The following MRTFB variants were observed in gnomAD, a reference collection of about 807,000 sequenced individuals.
The protein encoded by MRTFB is myocardin-related transcription factor B.
A neutral mutation model predicts 104.2 loss-of-function variants in MRTFB; 29 were observed. The observed-to-expected ratio is 0.28, with a 90% CI of 0.21 to 0.38. The LOEUF (loss-of-function observed/expected upper bound fraction) is 0.38, where lower values mean the gene tolerates loss of function less well. MRTFB is among the 10% of genes least tolerant of loss of function. MRTFB has a pLI of 1.00. For missense variants in MRTFB, 1,270 were observed against 1,341.6 expected, an observed-to-expected ratio of 0.95 and a Z score of 0.83; for synonymous variants, 535 against 519.5, an observed-to-expected ratio of 1.03 and a Z score of -0.41.
At chr16:14,097,744 C>T (rs140883003) in intron 2 of MRTFB, among the ~76,000 whole-genome samples, 1 of 152,316 alleles carries the variant, frequency 6.6e-6, no homozygotes, top group Non-Finnish European at 1.5e-5. Context: ...TGCTCCTTTG[C>T]CCCTGTTTCC....
At chr16:14,109,314 G>A (rs762438235) in intron 2 of MRTFB, among the ~76,000 whole-genome samples, 2 of 152,106 alleles carry the variant, frequency 1.3e-5, no homozygotes, top group Non-Finnish European at 2.9e-5. Context: ...AGTCACAAAA[G>A]AGAATGTCTC....
chr16:14,111,776 T>C (rs544303974), intron 2 of MRTFB, among the ~76,000 whole-genome samples: 3 of 152,142 alleles, frequency 2.0e-5, no homozygotes, highest in African/African-American at 7.2e-5. Context: ...TCCCCCTTTT[T>C]CTCGGTCCTC....
chr16:14,220,575 G>C (rs2041648179), intron 8 of MRTFB, among the ~76,000 whole-genome samples: 1 of 152,220 alleles, frequency 6.6e-6, no homozygotes, highest in African/African-American at 2.4e-5. Context: ...CCCACACAGT[G>C]AGCTGACATT....
the MRTFB span, among the ~76,000 whole-genome samples, chr16:14,023,859 T>C: frequency 5.3e-4 from 81 of 152,254 alleles, no homozygotes; most frequent in Admixed American, 9.2e-4. Context: ...AAGACCAGCC[T>C]GGCCAACAGG....
In MRTFB at chr16:14,261,336, T is replaced by G. The variant is rs779408578; in HGVS notation, c.3192T>G (p.Ile1064Met). 67 of 1,614,096 alleles carry G rather than the reference T, an allele frequency of 4.2e-5. 4 individuals carry two copies. The South Asian group carries it at 7.0e-4, about 17-fold the overall frequency. Residue 1064 changes from isoleucine (I) to methionine (M), a missense_variant, in exon 17 of 17, where the codon ATT (isoleucine) becomes ATG (methionine). Coordinates refer to ENST00000571589, the MANE Select transcript of MRTFB (RefSeq NM_001308142.2). ...SNLDNMEWLD[I>M]TMPNSSSGLT... ...TGGACAACATGGAGTGGTTGGACATTACCATGCCCAACTCCTCTTCAGGAC... is the reference window on the plus strand; with the variant it reads ...TGGACAACATGGAGTGGTTGGACATGACCATGCCCAACTCCTCTTCAGGAC...
At chr16:14,149,568 A>T (rs978639862) in intron 3 of MRTFB, 7 of 152,224 alleles carry the variant, frequency 4.6e-5, no homozygotes, top group African/African-American at 1.7e-4. Context: ...CTGTATCAGA[A>T]TACTCCGCTC....
chr16:14,017,712 T>TA, the MRTFB span, among the ~76,000 whole-genome samples: 1,120 of 9,846 alleles, frequency 0.11, 141 homozygotes, highest in South Asian at 0.16. Flanking sequence ...TATATATATA[T>TA]TTTTTTTTTT....
intron 2 of MRTFB, among the ~76,000 whole-genome samples, chr16:14,127,929 A>ATTTT (rs67001306): frequency 6.7e-4 from 30 of 44,614 alleles, no homozygotes; most frequent in African/African-American, 3.0e-3. Context: ...ATATATATAT[A>ATTTT]TTTTTTTTTT....
chr16:14,008,847 T>G, the MRTFB span, among the ~76,000 whole-genome samples: 1 of 149,838 alleles, frequency 6.7e-6, no homozygotes, highest in African/African-American at 2.4e-5. Context: ...TTCTTTAGTT[T>G]CTTTCAACAA....
intron 2 of MRTFB, among the ~76,000 whole-genome samples, chr16:14,127,381 G>T (rs1461360317): frequency 6.6e-6 from 1 of 152,094 alleles, no homozygotes; most frequent in Non-Finnish European, 1.5e-5. Context: ...TAAGGGCCGG[G>T]TGCGGTAAGT....
intron 3 of MRTFB, among the ~76,000 whole-genome samples, chr16:14,150,338 G>A (rs2038549722): frequency 6.6e-6 from 1 of 152,134 alleles, no homozygotes. Flanking sequence ...ATGCAGTATC[G>A]TTAACCCTTG....
At chr16:14,104,571 G>A (rs756874887) in intron 2 of MRTFB, among the ~76,000 whole-genome samples, 3 of 152,202 alleles carry the variant, frequency 2.0e-5, no homozygotes, top group Non-Finnish European at 2.9e-5. Flanking sequence ...ATTATTCAAA[G>A]TGTTGGGGTT....
intron 2 of MRTFB, among the ~76,000 whole-genome samples, chr16:14,128,665 C>T (rs1312324272): frequency 6.6e-6 from 1 of 152,188 alleles, no homozygotes; most frequent in East Asian, 1.9e-4. Flanking sequence ...CTTCCTCATT[C>T]TTCCTTATAA....
the MRTFB span, among the ~76,000 whole-genome samples, chr16:14,014,186 G>A: frequency 6.6e-6 from 1 of 152,166 alleles, no homozygotes; most frequent in East Asian, 1.9e-4. Context: ...CGTGGAGAAT[G>A]AAGTAAGAGT....
At chr16:14,184,093 A>G (rs1313583330) in intron 3 of MRTFB, among the ~76,000 whole-genome samples, 4 of 151,170 alleles carry the variant, frequency 2.6e-5, no homozygotes, top group African/African-American at 9.7e-5. Context: ...AAAAAAAAAA[A>G]AGTTGGCATT....
intron 3 of MRTFB, among the ~76,000 whole-genome samples, chr16:14,206,995 C>T (rs1436423412): frequency 2.0e-5 from 3 of 152,046 alleles, no homozygotes; most frequent in Non-Finnish European, 4.4e-5. Context: ...AATTCTGCCT[C>T]CCCTTCCATT....
At chr16:14,062,992 C>CT in the MRTFB span, among the ~76,000 whole-genome samples, 5 of 152,338 alleles carry the variant, frequency 3.3e-5, no homozygotes, top group East Asian at 9.6e-4. Flanking sequence ...CATCATACGG[C>CT]TTGTCTTAGT....
In MRTFB at chr16:14,252,484, A is replaced by G. The variant is rs761445804; in HGVS notation, c.2685A>G (p.Thr895=). ...AGGCCATCAAGCAGACACGCAGCACACAGGCCCCTCTGCCAGAGGTAAGTG... is the reference window on the plus strand; with the variant it reads ...AGGCCATCAAGCAGACACGCAGCACGCAGGCCCCTCTGCCAGAGGTAAGTG... ...YEEAIKQTRS[T]QAPLPEISNA... Residue 895 remains threonine (T), a synonymous_variant, in exon 15 of 17, where the codon ACA becomes ACG. Transcript: ENST00000571589. The G allele has an allele frequency of 4.3e-6, 7 of 1,613,880 alleles. No individual in the cohort carries two copies. The highest frequency in any genetic ancestry group is 5.9e-6 in the Non-Finnish European group (7 of 1,179,998).
chr16:14,122,437 C>T (rs1057372567), intron 2 of MRTFB, among the ~76,000 whole-genome samples: 1 of 152,054 alleles, frequency 6.6e-6, no homozygotes, highest in Non-Finnish European at 1.5e-5. Flanking sequence ...CTCCCCTAGC[C>T]CCCTACCCTG....
Sources: gnomAD v4.1 joint callset for allele counts (sites outside exome capture counted in the v4.1 genomes callset) on GRCh38, gnomAD v4.1.1 for gene constraint, MANE v1.5 for transcripts, NCBI Gene and HGNC (gene_info 2026-07-23, HGNC 2026-07-21) for gene names.